Variants in GPBP1 observed in about 807,000 individuals in gnomAD.
The protein encoded by GPBP1 is GC-rich promoter binding protein 1.
In GPBP1, 13 loss-of-function variants were observed where a neutral mutation model predicts 56.5. The observed-to-expected ratio is 0.23, with a 90% CI of 0.15 to 0.37. GPBP1 has a LOEUF of 0.37. GPBP1 is among the 10% of genes least tolerant of loss of function. The pLI is 1.00. For synonymous variants in GPBP1, 204 were observed against 188.9 expected (o/e 1.08, Z -0.66); for missense variants, 477 against 572.3 (o/e 0.83, Z 1.70).
intron 2 of GPBP1, among the ~76,000 whole-genome samples, chr5:57,188,821 C>T (rs937861865): frequency 6.6e-6 from 1 of 152,152 alleles, no homozygotes; most frequent in Non-Finnish European, 1.5e-5. Flanking sequence ...AGTATGGCTC[C>T]ACCAGCTACC....
intron 3 of GPBP1, among the ~76,000 whole-genome samples, chr5:57,226,542 G>C (rs1035492265): frequency 2.1e-5 from 3 of 144,600 alleles, no homozygotes; most frequent in Non-Finnish European, 4.5e-5. Context: ...CCTGGGCTCT[G>C]AGCATTTTTG....
chr5:57,199,401 T>A (rs1268071158), intron 2 of GPBP1, among the ~76,000 whole-genome samples: 3 of 152,086 alleles, frequency 2.0e-5, no homozygotes, highest in African/African-American at 7.2e-5. Flanking sequence ...GGAGCAGCCA[T>A]AGGGATACAG....
intron 10 of GPBP1, 139 bp downstream of exon 10, chr5:57,251,280 TTTTAA>T: frequency 2.9e-6 from 2 of 689,104 alleles, no homozygotes; most frequent in Non-Finnish European, 4.7e-6. Flanking sequence ...TACAGATGGT[TTTTAA>T]TATATTCAAA....
At chr5:57,190,235 A>C (rs191725688) in intron 2 of GPBP1, among the ~76,000 whole-genome samples, 2 of 151,426 alleles carry the variant, frequency 1.3e-5, no homozygotes, top group African/African-American at 4.8e-5. Context: ...CTTGGGGACT[A>C]GGTGGAATTT....
At chr5:57,203,896 A>G (rs1342421165) in intron 2 of GPBP1, among the ~76,000 whole-genome samples, 3 of 152,194 alleles carry the variant, frequency 2.0e-5, no homozygotes, top group African/African-American at 4.8e-5. Flanking sequence ...CCAAACATCT[A>G]AAAAATAGGG....
At position 57,215,787 on chromosome 5, in the gene GPBP1, G is replaced by C. The variant is rs905450505; in HGVS notation, c.63+1594G>C. ...CAAAATCTTTGAGTCATTACTCCAC[G>C]TGCTAGGTGGAGCAATAGCCTGAAT... On this transcript the variant is annotated intron_variant, in intron 3 of 11. Transcript: ENST00000506184. Among the ~76,000 whole-genome samples, 3 of 151,766 alleles carry C rather than the reference G, an allele frequency of 2.0e-5. No homozygotes were observed. The East Asian group carries it at 5.8e-4, about 29-fold the overall frequency.
chr5:57,247,790 C>T (rs1313833223), intron 8 of GPBP1, among the ~76,000 whole-genome samples: 1 of 152,144 alleles, frequency 6.6e-6, no homozygotes, highest in Non-Finnish European at 1.5e-5. Context: ...GTTGCTCAGG[C>T]TGGAGTACAG....
chr5:57,255,267 C>T (rs535157744), intron 10 of GPBP1, among the ~76,000 whole-genome samples: 1 of 152,056 alleles, frequency 6.6e-6, no homozygotes, highest in African/African-American at 2.4e-5. Flanking sequence ...TTCCTCTTCC[C>T]CCTCTTATTC....
rs371403225 is a variant in GPBP1, at chr5:57,190,041, G to A, written c.-58+13641G>A. ...TAATTATCTTGTTTACCCTGTGCCC[G>A]TCTTTATCACATAAGCTCTTTGAGA... On this transcript the variant is annotated intron_variant, in intron 2 of 11. Transcript: ENST00000506184. Among the ~76,000 whole-genome samples, 18 of 152,114 alleles carry A rather than the reference G, an allele frequency of 1.2e-4. No homozygotes were observed. The South Asian group carries it at 3.1e-3, about 26-fold the overall frequency.
intron 3 of GPBP1, among the ~76,000 whole-genome samples, chr5:57,214,901 A>G (rs1203162689): frequency 6.6e-6 from 1 of 152,186 alleles, no homozygotes; most frequent in Admixed American, 6.5e-5. Flanking sequence ...ACGTTAAGTG[A>G]TCTGCCCGCC....
chr5:57,189,722 T>A (rs1561325610), intron 2 of GPBP1, among the ~76,000 whole-genome samples: 1 of 152,258 alleles, frequency 6.6e-6, no homozygotes, highest in Non-Finnish European at 1.5e-5. Flanking sequence ...GATCTAAAAA[T>A]AGCATGCATA....
intron 2 of GPBP1, among the ~76,000 whole-genome samples, chr5:57,189,989 A>G (rs188456544): frequency 6.6e-6 from 1 of 152,156 alleles, no homozygotes; most frequent in Non-Finnish European, 1.5e-5. Flanking sequence ...TTATTATTCT[A>G]TATTATTTCA....
intron 11 of GPBP1, 124 bp downstream of exon 11, chr5:57,261,406 A>T (rs535676101): frequency 3.1e-4 from 91 of 297,320 alleles, no homozygotes; most frequent in Middle Eastern, 1.0e-3. Context: ...AATTGCTTTT[A>T]AAAAAAAAAA....
At chr5:57,252,322 A>C (rs1741436100) in intron 10 of GPBP1, among the ~76,000 whole-genome samples, 1 of 152,030 alleles carries the variant, frequency 6.6e-6, no homozygotes, top group Non-Finnish European at 1.5e-5. Context: ...TGGTTTATGC[A>C]GGTTTCCTGG....
chr5:57,188,730 G>A (rs972206743), intron 2 of GPBP1, among the ~76,000 whole-genome samples: 8 of 152,244 alleles, frequency 5.3e-5, no homozygotes, highest in Middle Eastern at 3.4e-3. Flanking sequence ...GCGACAGAGC[G>A]AGACATTGTC....
Position 57,247,075 on chromosome 5 carries a change from C to T in GPBP1, c.664C>T (p.Pro222Ser), listed in dbSNP as rs1420080396. Reference sequence around the variant, plus strand: ...TTAATGTTTGTGTGTTTTTCTTTAGCCTACACAATGGAAAAGCCAAACAAA... The same window carrying T: ...TTAATGTTTGTGTGTTTTTCTTTAGTCTACACAATGGAAAAGCCAAACAAA... ...VPKPAAPPTK[P>S]TQWKSQTKEN... Residue 222 changes from proline (P) to serine (S), a missense_variant and splice_region_variant, in exon 8 of 12, where the codon CCT (proline) becomes TCT (serine). Around this residue, in one of 2 missense-constraint regions of GPBP1, gnomAD observed 414 missense variants for 458.2 expected, o/e 0.90. Transcript: ENST00000506184. The T allele has an allele frequency of 1.5e-5, 24 of 1,611,258 alleles. No homozygotes were observed. Among genetic ancestry groups the T allele is most frequent in the Non-Finnish European group, 1.9e-5 (22 of 1,178,936 alleles).
intron 2 of GPBP1, among the ~76,000 whole-genome samples, chr5:57,194,802 C>T (rs1327328194): frequency 6.6e-6 from 1 of 152,150 alleles, no homozygotes; most frequent in Admixed American, 6.6e-5. Context: ...TCCTCTGGTT[C>T]CATCCTTGTT....
intron 10 of GPBP1, among the ~76,000 whole-genome samples, chr5:57,256,976 T>C (rs1320039459): frequency 6.6e-6 from 1 of 152,192 alleles, no homozygotes; most frequent in Admixed American, 6.5e-5. Context: ...TCTTAAGTTA[T>C]ATACATATAA....
intron 10 of GPBP1, among the ~76,000 whole-genome samples, chr5:57,257,944 T>G (rs1318361833): frequency 6.6e-6 from 1 of 152,170 alleles, no homozygotes; most frequent in African/African-American, 2.4e-5. Flanking sequence ...AAGTTAAAGA[T>G]CATATTGAAA....
Sources: allele counts gnomAD v4.1 joint callset (sites outside exome capture counted in the v4.1 genomes callset), GRCh38; gene constraint gnomAD v4.1.1; regional missense constraint gnomAD v4.1.1; transcripts MANE v1.5; gene names NCBI Gene and HGNC (gene_info 2026-07-23, HGNC 2026-07-21).